HIVEP3: variants seen among roughly 807,000 people sequenced by gnomAD.
The protein encoded by HIVEP3 is transcription factor HIVEP3.
In HIVEP3, 49 loss-of-function variants were observed where a neutral mutation model predicts 152.8. That is an observed-to-expected ratio of 0.32 (90% CI 0.26 to 0.41). HIVEP3 has a LOEUF of 0.41. Among genes scored for constraint, HIVEP3 ranks in the 10% least tolerant of loss-of-function variants. The pLI is 1.00. For missense variants in HIVEP3, 2,790 were observed against 3,103.3 expected, an observed-to-expected ratio of 0.90 and a Z score of 2.40; for synonymous variants, 1,269 against 1,289.0, an observed-to-expected ratio of 0.98 and a Z score of 0.33.
chr1:41,529,108 TCA>T (rs572992931), intron 5 of HIVEP3, among the ~76,000 whole-genome samples: 3 of 64,256 alleles, frequency 4.7e-5, no homozygotes, highest in East Asian at 1.2e-3. Context: ...TCACACATGC[TCA>T]CACCCCCACA....
At chr1:41,649,951 T>C (rs1205873181) in intron 2 of HIVEP3, among the ~76,000 whole-genome samples, 1 of 151,958 alleles carries the variant, frequency 6.6e-6, no homozygotes, top group Non-Finnish European at 1.5e-5. Context: ...TGGAAGCTCA[T>C]GGGGGAAGGG....
intron 2 of HIVEP3, among the ~76,000 whole-genome samples, chr1:41,699,873 G>A (rs751039842): frequency 6.6e-6 from 1 of 151,830 alleles, no homozygotes; most frequent in African/African-American, 2.4e-5. Context: ...TCCCTTCCCT[G>A]CTTGTGTAGG....
At chr1:41,948,224 C>T (rs1645085665) in intron 1 of HIVEP3, among the ~76,000 whole-genome samples, 1 of 152,212 alleles carries the variant, frequency 6.6e-6, no homozygotes, top group Non-Finnish European at 1.5e-5. Context: ...AAAGTAATCT[C>T]CTCACTCCAG....
chr1:41,900,277 G>C (rs372384962), intron 1 of HIVEP3, among the ~76,000 whole-genome samples: 3 of 152,310 alleles, frequency 2.0e-5, no homozygotes, highest in East Asian at 1.9e-4. Flanking sequence ...TTAATGTGAT[G>C]AGAATCCTAA....
chr1:41,789,492 G>A (rs1649560097), intron 1 of HIVEP3, among the ~76,000 whole-genome samples: 1 of 152,194 alleles, frequency 6.6e-6, no homozygotes, highest in Non-Finnish European at 1.5e-5. Context: ...AGAAGTGATG[G>A]TTATGAGTTT....
At chr1:41,687,733 C>T (rs1440050667) in intron 2 of HIVEP3, among the ~76,000 whole-genome samples, 1 of 152,238 alleles carries the variant, frequency 6.6e-6, no homozygotes, top group African/African-American at 2.4e-5. Flanking sequence ...CCTCACCCTG[C>T]TTATCTACCA....
At chr1:41,652,197 C>A (rs1645561383) in intron 2 of HIVEP3, among the ~76,000 whole-genome samples, 2 of 152,232 alleles carry the variant, frequency 1.3e-5, no homozygotes, top group South Asian at 4.1e-4. Context: ...GCTAAGCCAA[C>A]CACTTCATCA....
intron 2 of HIVEP3, among the ~76,000 whole-genome samples, chr1:41,642,419 T>C (rs10890156): frequency 0.51 from 76,877 of 152,044 alleles, 19,960 homozygotes; most frequent in Non-Finnish European, 0.56. Flanking sequence ...TTAACGTGGC[T>C]AAATCCAACC....
chr1:41,799,146 T>C (rs959742785), intron 1 of HIVEP3, among the ~76,000 whole-genome samples: 7 of 152,210 alleles, frequency 4.6e-5, no homozygotes, highest in African/African-American at 1.7e-4. Flanking sequence ...CATGAAATCT[T>C]TTATTCAAAG....
In HIVEP3 at chr1:41,513,753, G is replaced by C. The variant is rs778745321; in HGVS notation, c.5471-3C>G. The C allele has an allele frequency of 1.9e-6, 3 of 1,551,958 alleles. No individual in the cohort carries two copies. Among genetic ancestry groups the C allele is most frequent in the Non-Finnish European group, 2.6e-6 (3 of 1,149,428 alleles). On this transcript the variant is annotated splice_polypyrimidine_tract_variant and splice_region_variant and intron_variant, in intron 7 of 8. Transcript: ENST00000372583. ...CTGGAACAGGTCGTCACTGGTTCCT[G>C]AGGGCAAACACAGAAGACCCAAGGT...
At chr1:41,526,720 C>T (rs531153557) in intron 5 of HIVEP3, among the ~76,000 whole-genome samples, 1 of 128,468 alleles carries the variant, frequency 7.8e-6, no homozygotes, top group Non-Finnish European at 1.7e-5. Context: ...CTCACACACA[C>T]CCTCACACAC....
intron 1 of HIVEP3, among the ~76,000 whole-genome samples, chr1:41,899,195 C>G (rs931672807): frequency 6.6e-6 from 1 of 152,302 alleles, no homozygotes; most frequent in East Asian, 1.9e-4. Flanking sequence ...GAAGAAATAA[C>G]TTGTTCACTA....
intron 1 of HIVEP3, among the ~76,000 whole-genome samples, chr1:41,834,564 C>T (rs1215774342): frequency 1.3e-5 from 2 of 152,136 alleles, no homozygotes; most frequent in Non-Finnish European, 2.9e-5. Flanking sequence ...AATAAGACAG[C>T]GATGTGGTGG....
chr1:41,800,307 C>T (rs527607840), intron 1 of HIVEP3, among the ~76,000 whole-genome samples: 19 of 152,326 alleles, frequency 1.2e-4, no homozygotes, highest in African/African-American at 4.3e-4. Flanking sequence ...AGGGATACTG[C>T]ACCAGTTCTG....
At chr1:41,923,948 A>C (rs1279816429) in intron 1 of HIVEP3, among the ~76,000 whole-genome samples, 1 of 152,140 alleles carries the variant, frequency 6.6e-6, no homozygotes, top group East Asian at 1.9e-4. Context: ...CATCCAGTCT[A>C]TGCTTAGATA....
chr1:41,977,390 G>C (rs1645265887), intron 1 of HIVEP3, among the ~76,000 whole-genome samples: 1 of 152,096 alleles, frequency 6.6e-6, no homozygotes, highest in South Asian at 2.1e-4. Flanking sequence ...CAGGAGAGAG[G>C]TGTGCCCCAC....
intron 2 of HIVEP3, among the ~76,000 whole-genome samples, chr1:41,673,350 T>C (rs1645905978): frequency 6.6e-6 from 1 of 152,250 alleles, no homozygotes; most frequent in African/African-American, 2.4e-5. Context: ...AGAGAAGATG[T>C]TGAGTAGCTC....
At chr1:41,834,992 T>C (rs1467647937) in intron 1 of HIVEP3, among the ~76,000 whole-genome samples, 2 of 152,078 alleles carry the variant, frequency 1.3e-5, no homozygotes, top group East Asian at 1.9e-4. Flanking sequence ...ACAGTGGTCA[T>C]GGCAAGGACT....
Position 41,741,963 on chromosome 1 carries a change from T to C in HIVEP3, c.-800-40968A>G, listed in dbSNP as rs150722369. Among the ~76,000 whole-genome samples, 325 of 152,372 alleles carry C rather than the reference T, an allele frequency of 2.1e-3. 4 individuals carry two copies. Among genetic ancestry groups the C allele is most frequent in the East Asian group, 6.4e-3 (33 of 5,190 alleles). On this transcript the variant is annotated intron_variant, in intron 1 of 8. Coordinates refer to ENST00000372583, the MANE Select transcript of HIVEP3 (RefSeq NM_024503.5). Reference sequence around the variant, plus strand: ...AGGCCAAGGCATTTGTTTACATTGATTGTCCAATGAAATGAAATGTTTTCC... The same window carrying C: ...AGGCCAAGGCATTTGTTTACATTGACTGTCCAATGAAATGAAATGTTTTCC...
Sources: gnomAD v4.1 joint callset for allele counts (sites outside exome capture counted in the v4.1 genomes callset) on GRCh38, gnomAD v4.1.1 for gene constraint, MANE v1.5 for transcripts, NCBI Gene and HGNC (gene_info 2026-07-23, HGNC 2026-07-21) for gene names.